MACROH2A1: variants seen among roughly 807,000 people sequenced by gnomAD.
MACROH2A1 encodes macroH2A.1 histone, also known as core histone macro-H2A.1.
Under a neutral mutation model 31.6 loss-of-function variants are expected in MACROH2A1, and 2 were observed. The ratio of observed to expected loss-of-function variants is 0.06; its 90% confidence interval spans 0.03 to 0.20. The LOEUF (loss-of-function observed/expected upper bound fraction) is 0.20. Ranked by LOEUF, MACROH2A1 falls within the 10% of genes least tolerant of loss-of-function variation. The pLI, the probability that MACROH2A1 is intolerant of heterozygous loss-of-function variation, is 1.00. For synonymous variants in MACROH2A1, 169 were observed against 189.6 expected, an observed-to-expected ratio of 0.89 and a Z score of 0.89; for missense variants, 230 against 474.0, an observed-to-expected ratio of 0.49 and a Z score of 4.78.
At chr5:135,346,478 G>C (rs1253663437) in intron 6 of MACROH2A1, 1 of 197,810 alleles carries the variant, frequency 5.1e-6, no homozygotes, top group Admixed American at 5.5e-5. Flanking sequence ...CAAGTAAGGA[G>C]GTTTCAGCAG....
chr5:135,350,221 T>C (rs1012908267), intron 6 of MACROH2A1, among the ~76,000 whole-genome samples: 2 of 152,200 alleles, frequency 1.3e-5, no homozygotes, highest in African/African-American at 4.8e-5. Flanking sequence ...TCTAGGATGA[T>C]GTTTCTCATG....
intron 7 of MACROH2A1, 100 bp from the exon 8 acceptor site, chr5:135,343,534 T>C: frequency 6.5e-7 from 1 of 1,541,526 alleles, no homozygotes. Context: ...TATATCTTCC[T>C]GGGCCCTCCA....
intron 8 of MACROH2A1, among the ~76,000 whole-genome samples, chr5:135,341,664 C>G (rs1448210615): frequency 6.6e-6 from 1 of 152,224 alleles, no homozygotes; most frequent in Non-Finnish European, 1.5e-5. Context: ...GTTCTGCCAC[C>G]AGTACTTGAG....
intron 7 of MACROH2A1, chr5:135,344,221 A>G (rs76603063): frequency 0.034 from 5,119 of 152,414 alleles, 108 homozygotes; most frequent in South Asian, 0.056. Flanking sequence ...CATGTTCCAG[A>G]ACCCCTGTCC....
intron 6 of MACROH2A1, chr5:135,351,401 G>A (rs1463938641): frequency 1.3e-5 from 2 of 157,414 alleles, no homozygotes; most frequent in African/African-American, 4.8e-5. Context: ...ACCTTCAAGG[G>A]ATTTCTCTTG....
Position 135,334,646 on chromosome 5 carries a change from G to A in MACROH2A1, c.*330C>T, listed in dbSNP as rs80257017. On this transcript the variant is annotated 3_prime_UTR_variant, in exon 9 of 9. Coordinates refer to ENST00000511689, the MANE Select transcript of MACROH2A1 (RefSeq NM_138610.3). ...CTTACAAACGGGGCTTCCTGGCTTC[G>A]GTGACAGGTAAAAGACGCTGTTCTC... is the stretch of plus-strand genomic sequence containing the variant. 4.7e-4 allele frequency: 100 copies of A among 214,378 alleles called. 2 individuals carry two copies. The East Asian group carries it at 0.011, about 23-fold the overall frequency. The allele number at this position is 214,378 out of a possible 1,614,324, so 13.3% of individuals were successfully genotyped here.
In MACROH2A1 at chr5:135,369,290, T is replaced by G. The variant is rs1471438544; in HGVS notation, c.477+116A>C. Reference sequence around the variant, plus strand: ...GTAATCAGCTCCTACATGTTCCTCCTTTATTCTCCCATCAGTGGGATGAGC... The same window carrying G: ...GTAATCAGCTCCTACATGTTCCTCCGTTATTCTCCCATCAGTGGGATGAGC... On this transcript the variant is annotated intron_variant, in intron 4 of 8. Transcript: ENST00000511689. The surrounding 1 kb of genome is among the most constrained non-coding windows in gnomAD (Gnocchi z 4.3). 3 of 848,008 alleles carry G rather than the reference T, an allele frequency of 3.5e-6. No homozygotes were observed. Among genetic ancestry groups the G allele is most frequent in the Non-Finnish European group, 3.9e-6 (2 of 509,494 alleles). 52.5% of individuals were successfully genotyped at this position (848,008 alleles called of 1,614,324 possible). A position where few individuals can be genotyped will look rare whatever the true frequency, so the allele number is the denominator to read the frequency against.
At chr5:135,385,986 A>G (rs1158261826) in intron 2 of MACROH2A1, among the ~76,000 whole-genome samples, 3 of 152,200 alleles carry the variant, frequency 2.0e-5, no homozygotes, top group African/African-American at 7.2e-5. Flanking sequence ...AAAGGCCTTT[A>G]GGGAAACAAA....
chr5:135,342,191 TCA>T, intron 8 of MACROH2A1, among the ~76,000 whole-genome samples: 1 of 152,338 alleles, frequency 6.6e-6, no homozygotes, highest in Non-Finnish European at 1.5e-5. Flanking sequence ...GGACACAATC[TCA>T]GAGGTGGCTC....
chr5:135,359,029 A>T, intron 5 of MACROH2A1: 1 of 985,394 alleles, frequency 1.0e-6, no homozygotes, highest in East Asian at 1.1e-4. Context: ...CAAGAAGGGC[A>T]TCTGCATTTT....
intron 6 of MACROH2A1, among the ~76,000 whole-genome samples, chr5:135,348,101 C>G (rs1761076466): frequency 6.6e-6 from 1 of 152,040 alleles, no homozygotes. Flanking sequence ...ATGCATTTCC[C>G]AAACTTAAAA....
intron 2 of MACROH2A1, among the ~76,000 whole-genome samples, chr5:135,383,979 C>T (rs1476065837): frequency 1.3e-5 from 2 of 152,182 alleles, no homozygotes; most frequent in Admixed American, 1.3e-4. Context: ...CCTCTTCTTC[C>T]TGCTCTATTT....
intron 2 of MACROH2A1, among the ~76,000 whole-genome samples, chr5:135,384,229 T>C (rs573280686): frequency 6.6e-6 from 1 of 152,266 alleles, no homozygotes; most frequent in Admixed American, 6.5e-5. Context: ...TACCCACTTC[T>C]AGGAGATGGA....
intron 1 of MACROH2A1, among the ~76,000 whole-genome samples, chr5:135,395,967 G>A (rs1447913629): frequency 6.6e-6 from 1 of 152,134 alleles, no homozygotes; most frequent in Non-Finnish European, 1.5e-5. Context: ...GTTTTCAGTG[G>A]CAGGAAGAAA....
intron 7 of MACROH2A1, chr5:135,344,678 G>A (rs1231454489): frequency 6.6e-6 from 1 of 152,240 alleles, no homozygotes; most frequent in Non-Finnish European, 1.5e-5. Context: ...TCTTTGCACA[G>A]TGGAACAGGA....
chr5:135,345,910 G>A, intron 7 of MACROH2A1, 58 bp downstream of exon 7: 1 of 1,142,548 alleles, frequency 8.8e-7, no homozygotes, highest in Non-Finnish European at 1.3e-6. Flanking sequence ...TCACAAAATG[G>A]CTTTCCTAAT....
chr5:135,388,136 T>A (rs1766687592), intron 2 of MACROH2A1, among the ~76,000 whole-genome samples: 1 of 151,262 alleles, frequency 6.6e-6, no homozygotes, highest in Non-Finnish European at 1.5e-5. Flanking sequence ...ATAAATTTTT[T>A]AAATCACTAT....
At chr5:135,353,521 A>C (rs773833106) in intron 5 of MACROH2A1, 19 of 156,702 alleles carry the variant, frequency 1.2e-4, no homozygotes, top group Non-Finnish European at 2.0e-4. Context: ...TGGGCCTTTA[A>C]GGCTGTCCCC....
chr5:135,370,265 G>A (rs1016984283), intron 2 of MACROH2A1, 123 bp from the exon 3 acceptor site: 10 of 606,790 alleles, frequency 1.6e-5, no homozygotes, highest in Non-Finnish European at 2.6e-5. Flanking sequence ...CTACCCTGAG[G>A]TGAAAAGCTG....
Sources: allele counts gnomAD v4.1 joint callset (sites outside exome capture counted in the v4.1 genomes callset), GRCh38; gene constraint gnomAD v4.1.1; non-coding constraint Gnocchi (gnomAD v3.1); transcripts MANE v1.5; gene names NCBI Gene and HGNC (gene_info 2026-07-23, HGNC 2026-07-21).